WWOX: variants seen among roughly 807,000 people sequenced by gnomAD.
The protein encoded by WWOX is WW domain containing oxidoreductase, also known as WW domain-containing oxidoreductase.
WWOX carries 69 observed loss-of-function variants against 46.2 expected under a neutral mutation model. The ratio of observed to expected loss-of-function variants is 1.49; its 90% CI spans 1.23 to 1.82. The LOEUF (loss-of-function observed/expected upper bound fraction) is 1.82. Ranked by LOEUF, WWOX falls within the 40% of genes most tolerant of loss-of-function variation. The pLI, the probability that WWOX is intolerant of heterozygous loss-of-function variation, is 0.00. For synonymous variants in WWOX, 359 were observed against 202.6 expected (o/e 1.77, Z -6.56); for missense variants, 919 against 542.6 (o/e 1.69, Z -6.89).
At chr16:79,084,003 G>A (rs1340221130) in intron 8 of WWOX, among the ~76,000 whole-genome samples, 1 of 152,192 alleles carries the variant, frequency 6.6e-6, no homozygotes, top group Non-Finnish European at 1.5e-5. Flanking sequence ...TGTGGGGGCT[G>A]TTTTGGTTAA....
At chr16:78,441,648 C>T (rs888381790) in intron 8 of WWOX, among the ~76,000 whole-genome samples, 1 of 152,068 alleles carries the variant, frequency 6.6e-6, no homozygotes, top group Non-Finnish European at 1.5e-5. Flanking sequence ...CCCTAGCTCT[C>T]TCCCATTCTA....
intron 8 of WWOX, among the ~76,000 whole-genome samples, chr16:78,752,037 C>G (rs13331057): frequency 0.15 from 22,236 of 152,108 alleles, 1,987 homozygotes; most frequent in African/African-American, 0.24. Context: ...AGAGACGACA[C>G]AAAATTCACT....
At chr16:78,745,154 G>C (rs963218317) in intron 8 of WWOX, among the ~76,000 whole-genome samples, 1 of 152,216 alleles carries the variant, frequency 6.6e-6, no homozygotes, top group Non-Finnish European at 1.5e-5. Flanking sequence ...ACATGCCTCT[G>C]TCTGTGAAAG....
At chr16:78,849,105 G>A (rs866932708) in intron 8 of WWOX, among the ~76,000 whole-genome samples, 8 of 152,226 alleles carry the variant, frequency 5.3e-5, no homozygotes, top group South Asian at 2.1e-4. Context: ...GGTGTCCCAC[G>A]GAGGACAGTC....
intron 8 of WWOX, among the ~76,000 whole-genome samples, chr16:78,664,470 C>G (rs1185607186): frequency 6.6e-6 from 1 of 152,202 alleles, no homozygotes. Flanking sequence ...TGGATCATTA[C>G]CAGCCTGTAC....
chr16:78,932,288 G>T (rs912854282), intron 8 of WWOX, among the ~76,000 whole-genome samples: 1 of 152,146 alleles, frequency 6.6e-6, no homozygotes, highest in Non-Finnish European at 1.5e-5. Context: ...CGCAAACAGA[G>T]AAGTGCTTCT....
At chr16:78,322,674 A>C (rs909219945) in intron 5 of WWOX, among the ~76,000 whole-genome samples, 1 of 152,190 alleles carries the variant, frequency 6.6e-6, no homozygotes, top group Non-Finnish European at 1.5e-5. Context: ...CTTTGTTTTT[A>C]TGATTATCAA....
intron 8 of WWOX, among the ~76,000 whole-genome samples, chr16:79,150,002 T>G (rs1310884888): frequency 1.3e-5 from 2 of 152,206 alleles, no homozygotes; most frequent in African/African-American, 2.4e-5. Flanking sequence ...CATTTATGTT[T>G]TTTATGGGAA....
intron 6 of WWOX, among the ~76,000 whole-genome samples, chr16:78,417,526 A>AG (rs1258577748): frequency 6.6e-6 from 1 of 152,234 alleles, no homozygotes; most frequent in African/African-American, 2.4e-5. Context: ...AGGAAAAAAA[A>AG]GTATTAATAG....
rs80132381 is a variant in WWOX, at chr16:79,156,904, C to T, written c.1057-54704C>T. Among the ~76,000 whole-genome samples, 167 of 152,108 alleles carry T rather than the reference C, an allele frequency of 1.1e-3. 3 individuals are homozygous for T. In the East Asian group the frequency reaches 0.017, roughly 16 times the overall value. ...ACTAACAACTAACAGAAAAACTTTT[C>T]ATGTCGAATATGTAGATTTACAATA... is the stretch of plus-strand genomic sequence containing the variant. On this transcript the variant is annotated intron_variant, in intron 8 of 8. Coordinates refer to ENST00000566780, the MANE Select transcript of WWOX (RefSeq NM_016373.4).
At chr16:78,994,908 A>C (rs1056243574) in intron 8 of WWOX, among the ~76,000 whole-genome samples, 9 of 149,610 alleles carry the variant, frequency 6.0e-5, no homozygotes, top group African/African-American at 2.2e-4. Flanking sequence ...CCTTCTGGAC[A>C]CTGGAAGGGC....
intron 8 of WWOX, among the ~76,000 whole-genome samples, chr16:78,909,934 G>A (rs1597137878): frequency 6.6e-6 from 1 of 152,144 alleles, no homozygotes; most frequent in Non-Finnish European, 1.5e-5. Context: ...TGATATTTCT[G>A]GGGTTTCATC....
chr16:78,949,294 C>T (rs949452511), intron 8 of WWOX, among the ~76,000 whole-genome samples: 1 of 152,058 alleles, frequency 6.6e-6, no homozygotes, highest in Non-Finnish European at 1.5e-5. Flanking sequence ...GCAACTGTGC[C>T]GTCGTGACTA....
intron 5 of WWOX, among the ~76,000 whole-genome samples, chr16:78,349,113 T>A (rs8062583): frequency 0.51 from 60,312 of 118,478 alleles, 23,635 homozygotes; most frequent in African/African-American, 0.65. Context: ...GTTGATGTCT[T>A]CTGAGGTCTA....
chr16:78,984,021 G>T (rs1026217706), intron 8 of WWOX, among the ~76,000 whole-genome samples: 4 of 151,766 alleles, frequency 2.6e-5, no homozygotes, highest in African/African-American at 9.7e-5. Context: ...GGGACTACAG[G>T]CGCCTGCCAC....
At chr16:78,784,878 G>C (rs1488103320) in intron 8 of WWOX, among the ~76,000 whole-genome samples, 1 of 152,126 alleles carries the variant, frequency 6.6e-6, no homozygotes, top group Non-Finnish European at 1.5e-5. Context: ...GGTGTCCAGC[G>C]AATGCCTCTT....
intron 8 of WWOX, among the ~76,000 whole-genome samples, chr16:78,812,034 C>G (rs111506222): frequency 0.03 from 4,579 of 152,170 alleles, 78 homozygotes; most frequent in African/African-American, 0.048. Context: ...TTACCCTCAT[C>G]ATTGTTTACC....
chr16:78,882,681 G>T (rs985166034), intron 8 of WWOX, among the ~76,000 whole-genome samples: 10 of 151,938 alleles, frequency 6.6e-5, no homozygotes, highest in Non-Finnish European at 4.4e-5. Flanking sequence ...AGAGACAGGG[G>T]TTTCACCTTG....
intron 5 of WWOX, chr16:78,264,686 G>C (rs2079323423): frequency 6.6e-6 from 1 of 152,336 alleles, no homozygotes; most frequent in East Asian, 1.9e-4. Flanking sequence ...GTCTATACAT[G>C]TGGTATGGCT....
Sources: gnomAD v4.1 joint callset for allele counts (sites outside exome capture counted in the v4.1 genomes callset) on GRCh38, gnomAD v4.1.1 for gene constraint, MANE v1.5 for transcripts, NCBI Gene and HGNC (gene_info 2026-07-23, HGNC 2026-07-21) for gene names.